The following ATP9A variants were observed in gnomAD, a reference collection of about 807,000 sequenced individuals.
ATP9A encodes ATPase phospholipid transporting 9A, also known as probable phospholipid-transporting ATPase IIA.
A neutral mutation model predicts 144.1 loss-of-function variants in ATP9A; 52 were observed. The observed-to-expected ratio is 0.36, with a 90% CI of 0.29 to 0.45. The LOEUF (loss-of-function observed/expected upper bound fraction) is 0.45, where lower values mean the gene tolerates loss of function less well. Among genes scored for constraint, ATP9A ranks in the 20% least tolerant of loss-of-function variants. ATP9A has a pLI of 1.00. For missense variants in ATP9A, 947 were observed against 1,392.7 expected, an observed-to-expected ratio of 0.68 and a Z score of 5.09; for synonymous variants, 582 against 557.4, an observed-to-expected ratio of 1.04 and a Z score of -0.62.
chr20:51,656,815 C>G, intron 14 of ATP9A, 123 bp downstream of exon 14: 1 of 819,116 alleles, frequency 1.2e-6, no homozygotes, highest in East Asian at 2.7e-5. Context: ...TGTTTCCCAG[C>G]AGCCCTGCAT....
In ATP9A at chr20:51,622,196, T is replaced by C. The variant is rs201436700; in HGVS notation, c.2017-24A>G. 18 of 1,600,832 alleles carry C rather than the reference T, an allele frequency of 1.1e-5. No homozygotes were observed. In the East Asian group the frequency reaches 3.8e-4, roughly 34 times the overall value. On this transcript the variant is annotated intron_variant, in intron 18 of 27. Coordinates refer to ENST00000338821, the MANE Select transcript of ATP9A (RefSeq NM_006045.3). Reference sequence around the variant, plus strand: ...ACCTGAAATCATGGCGTGACAGAGGTCCTGTTTATTAGTTTTTGAGGCCGG... The same window carrying C: ...ACCTGAAATCATGGCGTGACAGAGGCCCTGTTTATTAGTTTTTGAGGCCGG...
chr20:51,663,538 T>C (rs975600453), intron 13 of ATP9A, among the ~76,000 whole-genome samples: 11 of 152,118 alleles, frequency 7.2e-5, no homozygotes, highest in Non-Finnish European at 1.3e-4. Context: ...CTCACACCTG[T>C]AATCCCAGCA....
intron 8 of ATP9A, among the ~76,000 whole-genome samples, chr20:51,690,493 A>G (rs890785352): frequency 6.6e-6 from 1 of 152,214 alleles, no homozygotes; most frequent in Non-Finnish European, 1.5e-5. Context: ...CAGCGTTCAC[A>G]TGAATTGCAG....
intron 1 of ATP9A, among the ~76,000 whole-genome samples, chr20:51,766,411 T>C (rs1390095887): frequency 3.3e-5 from 5 of 152,228 alleles, no homozygotes; most frequent in Non-Finnish European, 2.9e-5. Context: ...AGGCGTCTCA[T>C]AATTGCTCAT....
rs571946490 is a variant in ATP9A, at chr20:51,604,826, C to T, written c.2998G>A (p.Glu1000Lys). The part of the protein sequence containing the change: ...CYIASLVFLH[E>K]FIDVYFIATL... Reference sequence around the variant, plus strand: ...CATTCAGGGGTCTTACCGATGAACTCGTGTAAGAACACCAGGGAGGCGATG... The same window carrying T: ...CATTCAGGGGTCTTACCGATGAACTTGTGTAAGAACACCAGGGAGGCGATG... Residue 1000 changes from glutamate (E) to lysine (K), a missense_variant, in exon 27 of 28, where the codon GAG (glutamate) becomes AAG (lysine). Glu to Lys is a moderately conservative substitution (Grantham distance 56). Coordinates refer to ENST00000338821, the MANE Select transcript of ATP9A (RefSeq NM_006045.3). 5.9e-6 allele frequency: 9 copies of T among 1,515,734 alleles called. No homozygotes were observed. Among genetic ancestry groups the T allele is most frequent in the Non-Finnish European group, 8.0e-6 (9 of 1,128,058 alleles). The allele number at this position is 1,515,734 out of a possible 1,614,324, so 93.9% of individuals were successfully genotyped here.
intron 1 of ATP9A, among the ~76,000 whole-genome samples, chr20:51,748,840 T>C (rs975167025): frequency 1.3e-5 from 2 of 152,038 alleles, no homozygotes; most frequent in African/African-American, 4.8e-5. Flanking sequence ...ATCCCAGCAC[T>C]TTGGAGGCCC....
At chr20:51,717,793 A>T (rs1354073209) in intron 3 of ATP9A, among the ~76,000 whole-genome samples, 1 of 152,000 alleles carries the variant, frequency 6.6e-6, no homozygotes, top group African/African-American at 2.4e-5. Flanking sequence ...GTATCCACTA[A>T]AAATACAAAA....
intron 10 of ATP9A, 117 bp from the exon 11 acceptor site, chr20:51,674,430 G>A (rs540394890): frequency 3.5e-5 from 36 of 1,031,734 alleles, no homozygotes; most frequent in South Asian, 1.9e-4. Flanking sequence ...TCAGCCTGCC[G>A]GAGAGCTGGT....
intron 23 of ATP9A, 79 bp downstream of exon 23, chr20:51,613,598 G>A (rs780036417): frequency 4.2e-6 from 6 of 1,417,298 alleles, no homozygotes; most frequent in African/African-American, 1.4e-5. Flanking sequence ...ACATGTACAT[G>A]TGCAGAGGGA....
intron 9 of ATP9A, among the ~76,000 whole-genome samples, chr20:51,680,017 G>C (rs1183646190): frequency 6.6e-6 from 1 of 151,996 alleles, no homozygotes; most frequent in Non-Finnish European, 1.5e-5. Flanking sequence ...ATCACTTGAG[G>C]TCAGAAGTTC....
chr20:51,630,221 C>T (rs373964806), intron 15 of ATP9A, among the ~76,000 whole-genome samples: 3 of 152,228 alleles, frequency 2.0e-5, no homozygotes, highest in Non-Finnish European at 2.9e-5. Flanking sequence ...GGAATGACGG[C>T]GCAGCCACAG....
chr20:51,662,321 G>C (rs2077414198), intron 13 of ATP9A, among the ~76,000 whole-genome samples: 1 of 152,152 alleles, frequency 6.6e-6, no homozygotes, highest in South Asian at 2.1e-4. Flanking sequence ...AAGACGAGTG[G>C]ATCGCCTGAG....
At chr20:51,646,892 G>A (rs6067865) in intron 14 of ATP9A, among the ~76,000 whole-genome samples, 41,045 of 151,816 alleles carry the variant, frequency 0.27, 5,868 homozygotes, top group African/African-American at 0.31. Flanking sequence ...TGAAGTGGGC[G>A]GATCACCTGA....
chr20:51,738,894 C>T (rs973378869), intron 1 of ATP9A, among the ~76,000 whole-genome samples: 30 of 152,086 alleles, frequency 2.0e-4, no homozygotes, highest in Admixed American at 1.6e-3. Context: ...CCAGCCTGGA[C>T]AACACGGAGA....
At chr20:51,684,704 A>C (rs1391064065) in intron 9 of ATP9A, among the ~76,000 whole-genome samples, 2 of 142,646 alleles carry the variant, frequency 1.4e-5, no homozygotes, top group Non-Finnish European at 3.0e-5. Context: ...TCAAAAAAAA[A>C]AAAAAAAAAG....
chr20:51,666,018 C>T (rs1433937333), intron 13 of ATP9A, among the ~76,000 whole-genome samples: 1 of 152,170 alleles, frequency 6.6e-6, no homozygotes. Context: ...CAGCCCCTTC[C>T]GCAGGACACC....
intron 27 of ATP9A, 47 bp downstream of exon 27, chr20:51,604,770 G>T: frequency 7.0e-7 from 1 of 1,420,354 alleles, no homozygotes; most frequent in South Asian, 1.6e-5. Flanking sequence ...CTCTGGGCCA[G>T]ATTCACTGGG....
intron 4 of ATP9A, among the ~76,000 whole-genome samples, chr20:51,706,191 T>C (rs1249684376): frequency 6.6e-6 from 1 of 152,236 alleles, no homozygotes; most frequent in East Asian, 1.9e-4. Flanking sequence ...GGCTGAACGC[T>C]GTAGCAGTTG....
At chr20:51,686,585 T>C (rs2077524163) in intron 9 of ATP9A, among the ~76,000 whole-genome samples, 1 of 152,130 alleles carries the variant, frequency 6.6e-6, no homozygotes, top group Non-Finnish European at 1.5e-5. Context: ...GACCAGAATA[T>C]TAAGAATTAG....
Sources: gnomAD v4.1 joint callset for allele counts (sites outside exome capture counted in the v4.1 genomes callset) on GRCh38, gnomAD v4.1.1 for gene constraint, MANE v1.5 for transcripts, NCBI Gene and HGNC (gene_info 2026-07-23, HGNC 2026-07-21) for gene names.